Variants in EIPR1 observed in about 807,000 individuals in gnomAD.
EIPR1 encodes the protein EARP complex and GARP complex interacting protein 1.
A neutral mutation model predicts 48.1 loss-of-function variants in EIPR1; 25 were observed. The observed-to-expected ratio is 0.52, with a 90% confidence interval of 0.38 to 0.73. The LOEUF (loss-of-function observed/expected upper bound fraction) is 0.73. EIPR1 is among the 30% of genes least tolerant of loss of function. The pLI is 0.00. For missense variants in EIPR1, 415 were observed against 506.2 expected (o/e 0.82, Z 1.73); for synonymous variants, 204 against 201.9 (o/e 1.01, Z -0.09).
intron 4 of EIPR1, among the ~76,000 whole-genome samples, chr2:3,216,771 T>C (rs1665652571): frequency 6.6e-6 from 1 of 152,248 alleles, no homozygotes; most frequent in Admixed American, 6.5e-5. Context: ...ACACACTTAA[T>C]ACCTGTTGAT....
At chr2:3,310,054 C>G (rs1013150679) in intron 3 of EIPR1, among the ~76,000 whole-genome samples, 2 of 152,178 alleles carry the variant, frequency 1.3e-5, no homozygotes, top group African/African-American at 4.8e-5. Flanking sequence ...GCCACTACCC[C>G]ACACAAGCAA....
intron 3 of EIPR1, among the ~76,000 whole-genome samples, chr2:3,277,612 C>G (rs759954931): frequency 5.9e-5 from 9 of 152,224 alleles, no homozygotes; most frequent in Non-Finnish European, 1.3e-4. Context: ...CATCTGGTTC[C>G]TTTTCTCATT....
chr2:3,355,839 A>AATAAAATAAAATAAAATAAT (rs1670711019), intron 1 of EIPR1, among the ~76,000 whole-genome samples: 1 of 151,844 alleles, frequency 6.6e-6, no homozygotes. Flanking sequence ...AATAAAATAA[A>AATAAAATAAAATAAAATAAT]ATGAATAAAT....
intron 3 of EIPR1, among the ~76,000 whole-genome samples, chr2:3,267,467 A>G (rs1388749343): frequency 6.6e-6 from 1 of 152,250 alleles, no homozygotes; most frequent in Non-Finnish European, 1.5e-5. Context: ...ATGACAGTGC[A>G]TGATCATAAA....
intron 3 of EIPR1, among the ~76,000 whole-genome samples, chr2:3,329,133 C>T (rs1353337780): frequency 9.9e-5 from 12 of 121,096 alleles, no homozygotes; most frequent in Non-Finnish European, 1.9e-4. Flanking sequence ...AGGGCACCAG[C>T]CTGGGCTCCC....
At chr2:3,306,636 G>T (rs920358512) in intron 3 of EIPR1, among the ~76,000 whole-genome samples, 1 of 152,186 alleles carries the variant, frequency 6.6e-6, no homozygotes, top group Non-Finnish European at 1.5e-5. Context: ...CTAGAGAAAA[G>T]AAAACATTTT....
At chr2:3,246,510 T>G (rs529797065) in intron 4 of EIPR1, among the ~76,000 whole-genome samples, 96 of 152,206 alleles carry the variant, frequency 6.3e-4, no homozygotes, top group African/African-American at 2.1e-3. Flanking sequence ...TGCTAAATGC[T>G]CTCAGCCTGT....
intron 1 of EIPR1, among the ~76,000 whole-genome samples, chr2:3,375,895 T>G (rs1234962748): frequency 6.6e-6 from 1 of 152,264 alleles, no homozygotes; most frequent in African/African-American, 2.4e-5. Context: ...GTCTTGTGAA[T>G]GTGATATAGC....
Position 3,257,342 on chromosome 2 carries a change from G to C in EIPR1, c.373C>G (p.Leu125Val). 6.2e-7 allele frequency: 1 copy of C among 1,614,158 alleles called. No homozygotes were observed. Among genetic ancestry groups the C allele is most frequent in the Admixed American group, 1.7e-5 (1 of 60,016 alleles). The change falls in exon 4 of 9, where the codon CTG becomes GTG. Residue 125 changes from leucine to valine, a missense_variant. Leu to Val is a conservative substitution (Grantham distance 32). Coordinates refer to ENST00000382125, the MANE Select transcript of EIPR1 (RefSeq NM_003310.5). ...DSSSTAQTLE[L>V]LCHLDNTAHG... ...GCTGTGTTGTCAAGGTGACAGAGCA[G>C]CTCCAGGGTCTGTGCAGTGCTGGAT...
At chr2:3,259,106 T>C (rs1667249903) in intron 3 of EIPR1, among the ~76,000 whole-genome samples, 1 of 152,188 alleles carries the variant, frequency 6.6e-6, no homozygotes, top group Non-Finnish European at 1.5e-5. Context: ...AACAGAGGTG[T>C]AGATTATCTT....
chr2:3,237,221 T>TACACACACACACACACACACACACAC (rs35498711), intron 4 of EIPR1, among the ~76,000 whole-genome samples: 7 of 127,750 alleles, frequency 5.5e-5, no homozygotes, highest in Admixed American at 2.4e-4. Context: ...TTTTGAAAAC[T>TACACACACACACACACACACACACAC]ACACACACAC....
chr2:3,237,381 G>A (rs915019413), intron 4 of EIPR1, among the ~76,000 whole-genome samples: 2 of 152,116 alleles, frequency 1.3e-5, no homozygotes, highest in South Asian at 4.2e-4. Flanking sequence ...TGGGAGACAA[G>A]GAGAGAGAGA....
chr2:3,331,980 CATGAGATGGTGT>C (rs1330346491), intron 3 of EIPR1, among the ~76,000 whole-genome samples: 32 of 522 alleles, frequency 0.061, 7 homozygotes, highest in African/African-American at 0.24. Context: ...TGTATACACT[CATGAGATGGTGT>C]CAGCAGAGGC....
intron 4 of EIPR1, among the ~76,000 whole-genome samples, chr2:3,227,465 G>A (rs1466780644): frequency 6.6e-6 from 1 of 152,174 alleles, no homozygotes; most frequent in Admixed American, 6.5e-5. Context: ...ATTTCTAAGT[G>A]GAAATGCATT....
intron 3 of EIPR1, among the ~76,000 whole-genome samples, chr2:3,260,573 C>CAAAAG (rs753536720): frequency 1.8e-3 from 269 of 150,538 alleles, no homozygotes; most frequent in African/African-American, 6.1e-3. Flanking sequence ...AGAAAGAAAA[C>CAAAAG]AAAAGAAAAG....
At chr2:3,313,143 C>T (rs905205671) in intron 3 of EIPR1, among the ~76,000 whole-genome samples, 6 of 152,174 alleles carry the variant, frequency 3.9e-5, no homozygotes, top group South Asian at 2.1e-4. Flanking sequence ...GCCAAAGCTG[C>T]GATGAGGGCT....
At chr2:3,280,209 C>G (rs1234843551) in intron 3 of EIPR1, among the ~76,000 whole-genome samples, 1 of 152,218 alleles carries the variant, frequency 6.6e-6, no homozygotes, top group South Asian at 2.1e-4. Context: ...CCTGCTTAGC[C>G]CCTTTAAACC....
intron 4 of EIPR1, among the ~76,000 whole-genome samples, chr2:3,221,126 A>G (rs879908688): frequency 0.33 from 7,120 of 21,330 alleles, 1,499 homozygotes; most frequent in East Asian, 0.61. Context: ...ACACGCACAC[A>G]ATGGCCGAGG....
chr2:3,240,451 G>GCCAGCAGATCCTTCCTAAAGCAAAGC (rs1281926832), intron 4 of EIPR1, among the ~76,000 whole-genome samples: 1 of 140,334 alleles, frequency 7.1e-6, no homozygotes, highest in Non-Finnish European at 1.5e-5. Context: ...CTAAAGCAAA[G>GCCAGCAGATCCTTCCTAAAGCAAAGC]CAGGAGATCC....
Sources: allele counts gnomAD v4.1 joint callset (sites outside exome capture counted in the v4.1 genomes callset), GRCh38; gene constraint gnomAD v4.1.1; transcripts MANE v1.5; gene names NCBI Gene and HGNC (gene_info 2026-07-23, HGNC 2026-07-21).